The following RBFOX1 variants were observed in gnomAD, a reference collection of about 807,000 sequenced individuals.
RBFOX1 encodes the protein RNA binding protein fox-1 homolog 1.
Under a neutral mutation model 57.7 loss-of-function variants are expected in RBFOX1, and 8 were observed. That is an observed-to-expected ratio of 0.14 (90% CI 0.08 to 0.25). RBFOX1 has a LOEUF of 0.25. Ranked by LOEUF, RBFOX1 falls within the 10% of genes least tolerant of loss-of-function variation. The probability of loss-of-function intolerance (pLI) is 1.00; values close to 1 mark genes in which losing one functional copy is unlikely to be tolerated. For synonymous variants in RBFOX1, 326 were observed against 222.4 expected (o/e 1.47, Z -4.15); for missense variants, 611 against 548.5 (o/e 1.11, Z -1.14).
chr16:5,792,814 G>T (rs2151735155), intron 3 of RBFOX1, among the ~76,000 whole-genome samples: 1 of 152,280 alleles, frequency 6.6e-6, no homozygotes, highest in South Asian at 2.1e-4. Context: ...CTGCACTCCA[G>T]CCTGGGCAAC....
intron 3 of RBFOX1, among the ~76,000 whole-genome samples, chr16:5,840,333 G>A (rs542928051): frequency 6.6e-6 from 1 of 152,306 alleles, no homozygotes; most frequent in East Asian, 1.9e-4. Context: ...CTTCTGAAGA[G>A]GCTGGAAAAA....
chr16:6,913,221 G>A (rs1424443686), intron 3 of RBFOX1, among the ~76,000 whole-genome samples: 2 of 151,964 alleles, frequency 1.3e-5, no homozygotes, highest in African/African-American at 4.8e-5. Flanking sequence ...ACAGGGTATC[G>A]GAAATTATTA....
intron 3 of RBFOX1, among the ~76,000 whole-genome samples, chr16:6,741,598 G>A (rs572628100): frequency 1.3e-5 from 2 of 151,980 alleles, no homozygotes; most frequent in East Asian, 1.9e-4. Context: ...GAACTGCGGA[G>A]GTGGAGGTTG....
intron 4 of RBFOX1, among the ~76,000 whole-genome samples, chr16:7,399,910 C>G (rs2098212363): frequency 1.3e-5 from 2 of 152,154 alleles, no homozygotes; most frequent in Admixed American, 1.3e-4. Context: ...TTAGAATATT[C>G]AACAACACAA....
At chr16:7,004,796 G>A (rs772274123) in intron 3 of RBFOX1, among the ~76,000 whole-genome samples, 7 of 152,260 alleles carry the variant, frequency 4.6e-5, no homozygotes, top group East Asian at 3.9e-4. Context: ...CCTAATCCAC[G>A]TGTCTCTATA....
At chr16:7,597,453 A>C in intron 9 of RBFOX1, 22 bp downstream of exon 9, 1 of 1,562,810 alleles carries the variant, frequency 6.4e-7, no homozygotes, top group Non-Finnish European at 8.8e-7. Context: ...TTGGCCTTTT[A>C]CAAGAAATTC....
At chr16:6,495,912 A>G (rs1217628725) in intron 2 of RBFOX1, among the ~76,000 whole-genome samples, 1 of 152,254 alleles carries the variant, frequency 6.6e-6, no homozygotes, top group East Asian at 1.9e-4. Context: ...GCTGCTTTAC[A>G]TTAATCCTTG....
At chr16:7,136,404 ATTTTT>A (rs35623726) in intron 4 of RBFOX1, among the ~76,000 whole-genome samples, 2 of 110,940 alleles carry the variant, frequency 1.8e-5, no homozygotes, top group African/African-American at 3.5e-5. Flanking sequence ...TCATCTTGGG[ATTTTT>A]TTTTTTTTTT....
intron 5 of RBFOX1, among the ~76,000 whole-genome samples, chr16:7,535,048 A>G (rs2081150096): frequency 6.6e-6 from 1 of 152,224 alleles, no homozygotes; most frequent in South Asian, 2.1e-4. Context: ...TCTGAGTATA[A>G]TAGGAGCATA....
At chr16:7,589,912 GGTGTGTGTGTGTGT>G (rs3029164) in intron 7 of RBFOX1, among the ~76,000 whole-genome samples, 2,311 of 135,042 alleles carry the variant, frequency 0.017, 27 homozygotes, top group Non-Finnish European at 0.025. Flanking sequence ...GTGTGTGCTG[GGTGTGTGTGTGTGT>G]GTGTGTGTGT....
chr16:7,022,936 C>A (rs1460782205), intron 3 of RBFOX1, among the ~76,000 whole-genome samples: 2 of 152,148 alleles, frequency 1.3e-5, no homozygotes, highest in East Asian at 3.9e-4. Flanking sequence ...AGTCTTCATT[C>A]TTTATCACTA....
intron 4 of RBFOX1, among the ~76,000 whole-genome samples, chr16:5,987,830 C>T (rs765220884): frequency 1.3e-5 from 2 of 152,218 alleles, no homozygotes; most frequent in African/African-American, 4.8e-5. Flanking sequence ...TTTTTTAACT[C>T]TTACTCTATC....
At chr16:7,285,871 AG>A (rs1365800892) in intron 4 of RBFOX1, among the ~76,000 whole-genome samples, 1 of 152,230 alleles carries the variant, frequency 6.6e-6, no homozygotes, top group Non-Finnish European at 1.5e-5. Flanking sequence ...TGTGAACACA[AG>A]ATTCCATTTC....
chr16:7,486,388 G>A (rs927996967), intron 4 of RBFOX1, among the ~76,000 whole-genome samples: 1 of 151,794 alleles, frequency 6.6e-6, no homozygotes, highest in African/African-American at 2.4e-5. Flanking sequence ...CCTGTCCCCC[G>A]GCTTCCCAAA....
At chr16:7,043,196 C>T (rs564771403) in intron 3 of RBFOX1, among the ~76,000 whole-genome samples, 2 of 152,140 alleles carry the variant, frequency 1.3e-5, no homozygotes, top group Non-Finnish European at 2.9e-5. Flanking sequence ...ACTGATGTCT[C>T]CTCCACTGCT....
intron 3 of RBFOX1, among the ~76,000 whole-genome samples, chr16:6,958,721 T>C (rs2082350213): frequency 6.6e-6 from 1 of 152,232 alleles, no homozygotes. Context: ...ATGTTAGTTT[T>C]ATGCCGCTTC....
chr16:7,546,026 A>AAAG (rs1555576494), intron 5 of RBFOX1, among the ~76,000 whole-genome samples: 56 of 148,368 alleles, frequency 3.8e-4, no homozygotes, highest in African/African-American at 1.4e-3. Flanking sequence ...AAAAAAAAAA[A>AAAG]AAAAGAAAAA....
Position 7,500,834 on chromosome 16 carries a change from C to T in RBFOX1, c.28-17313C>T, listed in dbSNP as rs1452988317. On this transcript the variant is annotated intron_variant, in intron 4 of 15. Transcript: ENST00000550418. ...CATCTTGAACTCTAGTTCCCATAAT[C>T]CCCATGTCTCGTGAGAGGGACCCGG... Among the ~76,000 whole-genome samples, 2 of 152,298 alleles carry T rather than the reference C, an allele frequency of 1.3e-5. 1 individual carries two copies. Among genetic ancestry groups the T allele is most frequent in the South Asian group, 4.2e-4 (2 of 4,816 alleles).
At chr16:6,000,755 G>A (rs2152329019) in intron 4 of RBFOX1, among the ~76,000 whole-genome samples, 1 of 150,270 alleles carries the variant, frequency 6.7e-6, no homozygotes, top group East Asian at 2.0e-4. Flanking sequence ...ATGGATGGAT[G>A]AGTGGGTAGG....
Sources: gnomAD v4.1 joint callset for allele counts (sites outside exome capture counted in the v4.1 genomes callset) on GRCh38, gnomAD v4.1.1 for gene constraint, MANE v1.5 for transcripts, NCBI Gene and HGNC (gene_info 2026-07-23, HGNC 2026-07-21) for gene names.